Variants in CLSTN3 observed in about 807,000 individuals in gnomAD.
CLSTN3 encodes calsyntenin 3, also known as calsyntenin-3.
A neutral mutation model predicts 95.9 loss-of-function variants in CLSTN3; 36 were observed. The ratio of observed to expected loss-of-function variants is 0.38; its 90% CI spans 0.29 to 0.50. The LOEUF is 0.50. Ranked by LOEUF, CLSTN3 falls within the 20% of genes least tolerant of loss-of-function variation. The probability of loss-of-function intolerance (pLI) is 0.95; values close to 1 mark genes in which losing one functional copy is unlikely to be tolerated. For synonymous variants in CLSTN3, 481 were observed against 504.0 expected, an observed-to-expected ratio of 0.95 and a Z score of 0.61; for missense variants, 1,084 against 1,268.8, an observed-to-expected ratio of 0.85 and a Z score of 2.21.
At position 7,142,988 on chromosome 12, in the gene CLSTN3, G is replaced by T. The variant is rs1296921656; in HGVS notation, c.1660G>T (p.Asp554Tyr). Residue 554 changes from aspartate to tyrosine, a missense_variant, in exon 11 of 18, where the codon GAC becomes TAC. By Grantham distance (160) the Asp-to-Tyr change is radical. Coordinates refer to ENST00000266546, the MANE Select transcript of CLSTN3 (RefSeq NM_014718.4). ...ECLYACREGLDYRDFESLGKG... is the reference protein window; with the variant it reads ...ECLYACREGLYYRDFESLGKG... ...CCTCTATGCATGTCGGGAGGGGCTG[G>T]ACTATAGGGATTTCGAGAGCCTGGG... 6.2e-7 allele frequency: 1 copy of T among 1,614,028 alleles called. No homozygotes were observed. The highest frequency in any genetic ancestry group is 8.5e-7 in the Non-Finnish European group (1 of 1,180,016).
At chr12:7,148,405 G>A (rs1297159013) in intron 12 of CLSTN3, among the ~76,000 whole-genome samples, 4 of 152,142 alleles carry the variant, frequency 2.6e-5, no homozygotes, top group East Asian at 1.9e-4. Flanking sequence ...TTCATGAGAC[G>A]GTGGATCTAG....
Position 7,144,675 on chromosome 12 carries a change from CT to C in CLSTN3, c.1847+1365del, listed in dbSNP as rs1939591420. On this transcript the variant is annotated intron_variant, in intron 12 of 17. Transcript: ENST00000266546. ...TTTCTGCGTTCCAATCTTGTTACCC[CT>C]CTCCCCGATTCTGCCTCAGTTTCTC... 2.6e-5 allele frequency among the ~76,000 whole-genome samples: 4 copies of C among 152,184 alleles called. 1 individual carries two copies. In the South Asian group the frequency reaches 8.3e-4, roughly 32 times the overall value.
In CLSTN3 at chr12:7,136,940, A is replaced by G. The variant is rs1310967899; in HGVS notation, c.1040A>G (p.Asn347Ser). 1.2e-6 allele frequency: 2 copies of G among 1,613,936 alleles called. No individual in the cohort carries two copies. The highest frequency in any genetic ancestry group is 1.3e-5 in the African/African-American group (1 of 74,890). Residue 347 changes from asparagine to serine, a missense_variant, in exon 7 of 18, where the codon AAT becomes AGT. Asn to Ser is a conservative substitution (Grantham distance 46). Transcript: ENST00000266546. The stretch of plus-strand genomic sequence containing the variant: ...GACAGCAGCCTGATCTACTGGTTCA[A>G]TGGCACCCAGGCTGTGCAGGTGCCC... ...SQDSSLIYWF[N>S]GTQAVQVPLG...
rs184338784 is a variant in CLSTN3 at position 7,141,696 on chromosome 12, G to A, written c.1486+292G>A. The stretch of plus-strand genomic sequence containing the variant: ...CACTTTTTTCCATCAAAGTGATGAT[G>A]ACTTCCATAGCCCATTCCCCTGCTC... On this transcript the variant is annotated intron_variant, in intron 9 of 17. Coordinates refer to ENST00000266546, the MANE Select transcript of CLSTN3 (RefSeq NM_014718.4). The surrounding 1 kb of genome is among the most constrained non-coding windows in gnomAD (Gnocchi z 4.1). 1.8e-4 allele frequency among the ~76,000 whole-genome samples: 28 copies of A among 152,292 alleles called. No individual in the cohort carries two copies. The highest frequency in any genetic ancestry group is 6.0e-4 in the African/African-American group (25 of 41,556).
chr12:7,142,742 C>A, intron 10 of CLSTN3, 127 bp from the exon 11 acceptor site: 10 of 441,634 alleles, frequency 2.3e-5, no homozygotes, highest in East Asian at 7.8e-5. Context: ...TTTTGGTTTC[C>A]ACATTTCTCC....
intron 12 of CLSTN3, among the ~76,000 whole-genome samples, chr12:7,147,486 T>C (rs1232300907): frequency 1.4e-5 from 2 of 142,580 alleles, no homozygotes; most frequent in African/African-American, 5.2e-5. Flanking sequence ...GCCTTGATTG[T>C]TTCTTTTTCT....
At chr12:7,143,759 TG>T (rs1241683601) in intron 12 of CLSTN3, among the ~76,000 whole-genome samples, 2 of 152,208 alleles carry the variant, frequency 1.3e-5, no homozygotes, top group Admixed American at 6.5e-5. Flanking sequence ...GGCCTAAGTC[TG>T]GGGGTTGGCA....
At chr12:7,135,710 C>T in intron 4 of CLSTN3, 94 bp from the exon 5 acceptor site, 1 of 1,475,710 alleles carries the variant, frequency 6.8e-7, no homozygotes, top group Non-Finnish European at 9.2e-7. Context: ...TGCTGCCTAA[C>T]CTGCCTGCTG....
At chr12:7,148,644 T>G (rs1939669220) in intron 12 of CLSTN3, among the ~76,000 whole-genome samples, 1 of 152,246 alleles carries the variant, frequency 6.6e-6, no homozygotes, top group African/African-American at 2.4e-5. Flanking sequence ...CAGTTCAGTT[T>G]GCTTTGTTTT....
chr12:7,130,397 G>A lies in CLSTN3; in HGVS notation c.-252G>A. 7.0e-7 allele frequency: 1 copy of A among 1,435,710 alleles called. No homozygotes were observed. The allele number at this position is 1,435,710 out of a possible 1,614,324, so 88.9% of individuals were successfully genotyped here. ...TCCTGCAGTAGCGGGGTTGGGGTGGGAGTGAGAGAGTGAGGACGCTGGGCT... is the reference window on the plus strand; with the variant it reads ...TCCTGCAGTAGCGGGGTTGGGGTGGAAGTGAGAGAGTGAGGACGCTGGGCT... On this transcript the variant is annotated 5_prime_UTR_variant, in exon 1 of 18. Transcript: ENST00000266546.
chr12:7,137,213 T>G lies in CLSTN3; in HGVS notation c.1210+103T>G, dbSNP rs1227217505. On this transcript the variant is annotated intron_variant, in intron 7 of 17. Transcript: ENST00000266546. The surrounding 1 kb of genome is among the most constrained non-coding windows in gnomAD (Gnocchi z 4.4). ...CTGTGAACAGGTCACTTCCCCTCTC[T>G]TCATTTGTGAGGTGCAAGTGCCAGG... 2 of 1,223,662 alleles carry G rather than the reference T, an allele frequency of 1.6e-6. No individual in the cohort carries two copies. Among genetic ancestry groups the G allele is most frequent in the Non-Finnish European group, 2.2e-6 (2 of 889,430 alleles). The allele number at this position is 1,223,662 out of a possible 1,614,324, so 75.8% of individuals were successfully genotyped here.
rs186770267 is a variant in CLSTN3, at chr12:7,133,323, A to G, written c.187+177A>G. 6.6e-6 allele frequency among the ~76,000 whole-genome samples: 1 copy of G among 152,210 alleles called. No individual in the cohort carries two copies. The highest frequency in any genetic ancestry group is 6.5e-5 in the Admixed American group (1 of 15,286). The stretch of plus-strand genomic sequence containing the variant: ...GAATGGAGATTGAGTCAAGGATGCC[A>G]GAAAAGGACATGGCCAGGCAAGGGT... On this transcript the variant is annotated intron_variant, in intron 2 of 17. Coordinates refer to ENST00000266546, the MANE Select transcript of CLSTN3 (RefSeq NM_014718.4). This position sits in a 1 kb window ranked among gnomAD's most constrained non-coding sequence, Gnocchi z 4.7.
At chr12:7,134,481 G>C (rs777089313) in intron 3 of CLSTN3, among the ~76,000 whole-genome samples, 1 of 152,244 alleles carries the variant, frequency 6.6e-6, no homozygotes, top group Non-Finnish European at 1.5e-5. Context: ...TTTGAAGATA[G>C]GACCCTTGCC....
chr12:7,150,782 C>G lies in CLSTN3; in HGVS notation c.2391+93C>G. The stretch of plus-strand genomic sequence containing the variant: ...CAAAATGTTAGTTGGTGGGCATGGA[C>G]ATGGCAGCGTGGAGGGCTGCTGGAC... On this transcript the variant is annotated intron_variant, in intron 15 of 17. Coordinates refer to ENST00000266546, the MANE Select transcript of CLSTN3 (RefSeq NM_014718.4). The surrounding 1 kb of genome is among the most constrained non-coding windows in gnomAD (Gnocchi z 4.0). The G allele has an allele frequency of 1.3e-6, 2 of 1,569,132 alleles. No homozygotes were observed. Among genetic ancestry groups the G allele is most frequent in the Middle Eastern group, 1.7e-4 (1 of 5,894 alleles).
chr12:7,144,628 T>C (rs1167823541), intron 12 of CLSTN3, among the ~76,000 whole-genome samples: 3 of 152,330 alleles, frequency 2.0e-5, no homozygotes, highest in Non-Finnish European at 2.9e-5. Context: ...AGTGGGTGAA[T>C]TACATGATTT....
At chr12:7,145,619 T>G (rs563090956) in intron 12 of CLSTN3, among the ~76,000 whole-genome samples, 2 of 152,190 alleles carry the variant, frequency 1.3e-5, no homozygotes, top group South Asian at 4.2e-4. Context: ...AATTGACCCC[T>G]GAACAGATAG....
At chr12:7,142,452 T>C (rs893210953) in intron 10 of CLSTN3, among the ~76,000 whole-genome samples, 3 of 151,996 alleles carry the variant, frequency 2.0e-5, no homozygotes, top group Admixed American at 2.0e-4. Flanking sequence ...TGGGCATCTG[T>C]GAAGCTCGCT....
chr12:7,147,516 TTC>T (rs1390374059), intron 12 of CLSTN3, among the ~76,000 whole-genome samples: 3 of 1,864 alleles, frequency 1.6e-3, no homozygotes, highest in African/African-American at 6.7e-3. Context: ...TTTTCTTTTC[TTC>T]TTTTTTTTTT....
rs200466447 is a variant in CLSTN3 at position 7,150,600 on chromosome 12, C to T, written c.2302C>T (p.Arg768Ter). The change falls in exon 15 of 18, where the codon CGA becomes TGA. Residue 768 changes from arginine to a stop codon, truncating the protein, a stop_gained. Transcript: ENST00000266546. LOFTEE classifies it high-confidence loss of function. This position sits in a 1 kb window ranked among gnomAD's most constrained non-coding sequence, Gnocchi z 4.0. ...CCTGAGGCAGGCTCGTTATCGGCTG[C>T]GACACGGAGCTGCCCTCTACACCAG... is the stretch of plus-strand genomic sequence containing the variant. ...EILRQARYRL[R>*]HGAALYTRKF... 1.9e-6 allele frequency: 3 copies of T among 1,612,414 alleles called. No homozygotes were observed. The highest frequency in any genetic ancestry group is 1.7e-6 in the Non-Finnish European group (2 of 1,179,744).
Sources: gnomAD v4.1 joint callset for allele counts (sites outside exome capture counted in the v4.1 genomes callset) on GRCh38, gnomAD v4.1.1 for gene constraint, Gnocchi (gnomAD v3.1) non-coding constraint, MANE v1.5 for transcripts, NCBI Gene and HGNC (gene_info 2026-07-23, HGNC 2026-07-21) for gene names.